Variants in PSD4 observed in about 807,000 individuals in gnomAD.
PSD4 encodes pleckstrin and Sec7 domain containing 4.
PSD4 carries 59 observed loss-of-function variants against 112.5 expected under a neutral mutation model. That is an observed-to-expected ratio of 0.52 (90% CI 0.43 to 0.65). PSD4 has a LOEUF of 0.65. PSD4 is among the 30% of genes least tolerant of loss of function. The pLI, the probability that PSD4 is intolerant of heterozygous loss-of-function variation, is 0.00. For synonymous variants in PSD4, 533 were observed against 540.0 expected (o/e 0.99, Z 0.18); for missense variants, 1,267 against 1,352.6 (o/e 0.94, Z 0.99).
chr2:113,184,003 C>T (rs1411439553), intron 2 of PSD4, among the ~76,000 whole-genome samples: 1 of 152,242 alleles, frequency 6.6e-6, no homozygotes, highest in African/African-American at 2.4e-5. Flanking sequence ...TTTTAGCTCA[C>T]CATCTGTCAT....
intron 5 of PSD4, among the ~76,000 whole-genome samples, chr2:113,191,168 C>T (rs1205028034): frequency 1.3e-5 from 2 of 152,318 alleles, no homozygotes; most frequent in East Asian, 3.9e-4. Context: ...ACCCAAAGAC[C>T]TTGTGATGGG....
intron 5 of PSD4, among the ~76,000 whole-genome samples, chr2:113,188,543 C>T (rs1688362208): frequency 6.6e-6 from 1 of 152,164 alleles, no homozygotes; most frequent in Non-Finnish European, 1.5e-5. Context: ...TAGGCCTGAG[C>T]CGCTGTGCCT....
At position 113,183,017 on chromosome 2, in the gene PSD4, T is replaced by G. The variant is rs756839049; in HGVS notation, c.561T>G (p.Cys187Trp). ...TEGLKAGLKC[C>W]LPTPPVDLPG... ...GGCTCAAGGCTGGGCTGAAATGCTG[T>G]CTCCCCACGCCCCCTGTGGACCTCC... The change falls in exon 2 of 17, where the codon TGT becomes TGG. Residue 187 changes from cysteine (C) to tryptophan (W), a missense_variant. Physicochemically the swap from Cys to Trp is radical, Grantham distance 215. Transcript: ENST00000245796. The G allele has an allele frequency of 2.5e-6, 4 of 1,613,716 alleles. No individual in the cohort carries two copies. The African/African-American group carries it at 5.3e-5, about 22-fold the overall frequency.
chr2:113,192,980 G>T (rs1688496836), intron 6 of PSD4, 68 bp from the exon 7 acceptor site: 2 of 1,491,130 alleles, frequency 1.3e-6, no homozygotes, highest in African/African-American at 1.4e-5. Flanking sequence ...GGCCCTGGGG[G>T]CCCCAGTGCA....
In PSD4 at chr2:113,199,122, G is replaced by A; in HGVS notation, c.2809G>A (p.Ala937Thr). Reference sequence around the variant, plus strand: ...ATCCCACGAGAACTGCCTGGACGCTGCCGCGGACGACCTGCTGGATCTACA... The same window carrying A: ...ATCCCACGAGAACTGCCTGGACGCTACCGCGGACGACCTGCTGGATCTACA... ...HRSHENCLDA[A>T]ADDLLDLQRN... The change falls in exon 16 of 17, where the codon GCC becomes ACC. Residue 937 changes from alanine to threonine, a missense_variant. This residue lies in a region of PSD4 where 544 missense variants were observed against 648.6 expected (regional missense o/e 0.84). Transcript: ENST00000245796. The A allele has an allele frequency of 1.3e-6, 2 of 1,531,148 alleles. No individual in the cohort carries two copies. The highest frequency in any genetic ancestry group is 1.2e-5 in the South Asian group (1 of 82,724). 94.8% of individuals were successfully genotyped at this position (1,531,148 alleles called of 1,614,324 possible).
rs771836147 is a variant in PSD4 at position 113,182,884 on chromosome 2, G to C, written c.428G>C (p.Ser143Thr). The change falls in exon 2 of 17, where the codon AGC (serine) becomes ACC (threonine). Residue 143 changes from serine to threonine, a missense_variant. Coordinates refer to ENST00000245796, the MANE Select transcript of PSD4 (RefSeq NM_012455.3). ...GSPVNSHLPG[S>T]PKQNRSTSTQ... ...CCAGTGAACAGCCATCTACCGGGGA[G>C]CCCAAAGCAGAACCGGAGCACGTCC... The C allele has an allele frequency of 1.9e-6, 3 of 1,614,202 alleles. No homozygotes were observed. Among genetic ancestry groups the C allele is most frequent in the Non-Finnish European group, 2.5e-6 (3 of 1,180,030 alleles).
At chr2:113,175,028 A>G (rs984235174) in intron 1 of PSD4, among the ~76,000 whole-genome samples, 1 of 152,046 alleles carries the variant, frequency 6.6e-6, no homozygotes, top group Non-Finnish European at 1.5e-5. Flanking sequence ...CCCTCCTCCT[A>G]CAGACAAGGA....
chr2:113,180,347 C>A (rs931708275), intron 1 of PSD4, among the ~76,000 whole-genome samples: 3 of 152,212 alleles, frequency 2.0e-5, no homozygotes, highest in Admixed American at 1.3e-4. Flanking sequence ...AGCTGCAGTC[C>A]ATGTGGCTAT....
rs1314302228 is a variant in PSD4, at chr2:113,185,793, C to T, written c.1250-84C>T. The T allele has an allele frequency of 5.8e-6, 9 of 1,553,312 alleles. No homozygotes were observed. In the African/African-American group the frequency reaches 8.2e-5, roughly 14 times the overall value. ...CTGCCAGGCTCCAGGGGAGGAGCCC[C>T]AGGGAGGGAGCCTCTGGAGGTGGTG... On this transcript the variant is annotated intron_variant, in intron 4 of 16. Coordinates refer to ENST00000245796, the MANE Select transcript of PSD4 (RefSeq NM_012455.3).
In PSD4 at chr2:113,182,981, G is replaced by A. The variant is rs762015220; in HGVS notation, c.525G>A (p.Glu175=). Residue 175 remains glutamate, a synonymous_variant, in exon 2 of 17, where the codon GAG becomes GAA. Coordinates refer to ENST00000245796, the MANE Select transcript of PSD4 (RefSeq NM_012455.3). ...MCVLDLEEEL[E]KTEGLKAGLK... is the part of the protein sequence containing the mutation. ...TCCTAGACCTGGAGGAGGAGCTGGA[G>A]AAGACGGAAGGGCTCAAGGCTGGGC... 39 of 1,614,192 alleles carry A rather than the reference G, an allele frequency of 2.4e-5. No homozygotes were observed. Among genetic ancestry groups the A allele is most frequent in the Non-Finnish European group, 3.3e-5 (39 of 1,180,028 alleles).
rs4849171 is a variant in PSD4 at position 113,206,773 on chromosome 2, T to C, written c.*5358T>C. On this transcript the variant is annotated 3_prime_UTR_variant, in exon 17 of 17. Transcript: ENST00000245796. ...ACCCCACGTCTGCTCCCCTCCTCCT[T>C]TGGGCTCTGGCTTAGGCTCTGCCCT... The C allele has an allele frequency of 0.99, 151,381 of 152,414 alleles. 75,195 individuals are homozygous for C. The highest frequency in any genetic ancestry group is 1 in the Middle Eastern group (296 of 296). 9.4% of individuals were successfully genotyped at this position (152,414 alleles called of 1,614,324 possible).
intron 5 of PSD4, among the ~76,000 whole-genome samples, chr2:113,188,604 G>A (rs574925671): frequency 1.3e-5 from 2 of 151,546 alleles, no homozygotes; most frequent in African/African-American, 2.4e-5. Flanking sequence ...TTTTTGAGAT[G>A]GAGTCTCACT....
At chr2:113,195,141 G>A (rs1688562365) in intron 10 of PSD4, among the ~76,000 whole-genome samples, 1 of 151,282 alleles carries the variant, frequency 6.6e-6, no homozygotes, top group Non-Finnish European at 1.5e-5. Flanking sequence ...GGCAGGACAG[G>A]GACTTGTCTG....
At chr2:113,179,219 C>A (rs959678292) in intron 1 of PSD4, among the ~76,000 whole-genome samples, 2 of 152,142 alleles carry the variant, frequency 1.3e-5, no homozygotes, top group Non-Finnish European at 2.9e-5. Flanking sequence ...AGAAGTAGAA[C>A]CGTCTCAGGC....
At position 113,202,441 on chromosome 2, in the gene PSD4, A is replaced by G. The variant is rs1688799392; in HGVS notation, c.*1026A>G. ...GACTTTTCTGTGCTCCTTTCTACAC[A>G]TGCCTTAAACCTTCCTTCCTGTGGG... On this transcript the variant is annotated 3_prime_UTR_variant, in exon 17 of 17. Coordinates refer to ENST00000245796, the MANE Select transcript of PSD4 (RefSeq NM_012455.3). 6.6e-6 allele frequency: 1 copy of G among 152,422 alleles called. No individual in the cohort carries two copies. The highest frequency in any genetic ancestry group is 2.4e-5 in the African/African-American group (1 of 41,448). 9.4% of individuals were successfully genotyped at this position (152,422 alleles called of 1,614,324 possible).
intron 5 of PSD4, among the ~76,000 whole-genome samples, chr2:113,188,958 C>A (rs1325348656): frequency 6.6e-6 from 1 of 152,156 alleles, no homozygotes; most frequent in Non-Finnish European, 1.5e-5. Flanking sequence ...TGTTTGGTTG[C>A]ATGAATAAGT....
rs753300877 is a variant in PSD4, at chr2:113,198,745, C to A, written c.2630C>A (p.Ala877Asp). The A allele has an allele frequency of 3.8e-6, 6 of 1,559,752 alleles. No individual in the cohort carries two copies. The East Asian group carries it at 1.4e-4, about 36-fold the overall frequency. ...WRLYLFQAPT[A>D]KEMSSWIARI... The stretch of plus-strand genomic sequence containing the variant: ...AACGACCTCCTTTGCCCCAGCACTG[C>A]CAAGGAGATGAGCTCCTGGATCGCG... Residue 877 changes from alanine (A) to aspartate (D), a missense_variant, in exon 15 of 17, where the codon GCC becomes GAC. By Grantham distance (126) the Ala-to-Asp change is moderately radical. Around this residue, in one of 2 missense-constraint regions of PSD4, gnomAD observed 544 missense variants for 648.6 expected, o/e 0.84. Coordinates refer to ENST00000245796, the MANE Select transcript of PSD4 (RefSeq NM_012455.3).
Position 113,179,757 on chromosome 2 carries a change from A to C in PSD4, c.-111-2589A>C, listed in dbSNP as rs45461795. On this transcript the variant is annotated intron_variant, in intron 1 of 16. Coordinates refer to ENST00000245796, the MANE Select transcript of PSD4 (RefSeq NM_012455.3). ...AGACCAAATCTGGTCCATTTGATTCAGAGCATCAAGTACAAGATTAAACAT... is the reference window on the plus strand; with the variant it reads ...AGACCAAATCTGGTCCATTTGATTCCGAGCATCAAGTACAAGATTAAACAT... 7.9e-3 allele frequency among the ~76,000 whole-genome samples: 1,206 copies of C among 152,330 alleles called. 14 individuals carry two copies. Among genetic ancestry groups the C allele is most frequent in the African/African-American group, 0.027 (1,137 of 41,572 alleles).
intron 1 of PSD4, among the ~76,000 whole-genome samples, chr2:113,177,972 C>G (rs1377306304): frequency 1.3e-5 from 2 of 152,172 alleles, no homozygotes; most frequent in Non-Finnish European, 2.9e-5. Context: ...AATCCCAGCG[C>G]TTTGGGAGGC....
Sources: allele counts gnomAD v4.1 joint callset (sites outside exome capture counted in the v4.1 genomes callset), GRCh38; gene constraint gnomAD v4.1.1; regional missense constraint gnomAD v4.1.1; transcripts MANE v1.5; gene names NCBI Gene and HGNC (gene_info 2026-07-23, HGNC 2026-07-21).